Variants in BPHL observed in about 807,000 individuals in gnomAD.
BPHL encodes biphenyl hydrolase like, also known as serine hydrolase BPHL.
A neutral mutation model predicts 31.2 loss-of-function variants in BPHL; 27 were observed. The ratio of observed to expected loss-of-function variants is 0.87; its 90% confidence interval spans 0.64 to 1.19. The LOEUF (loss-of-function observed/expected upper bound fraction) is 1.19. Ranked by LOEUF, BPHL falls within the 50% of genes most tolerant of loss-of-function variation. BPHL has a pLI of 0.00. For missense variants in BPHL, 356 were observed against 375.7 expected (o/e 0.95, Z 0.43); for synonymous variants, 150 against 146.8 (o/e 1.02, Z -0.16).
At chr6:3,139,058 G>A (rs1351526448) in intron 5 of BPHL, 1 of 152,184 alleles carries the variant, frequency 6.6e-6, no homozygotes, top group African/African-American at 2.4e-5. Flanking sequence ...GGCCCTGAGT[G>A]TGAGTTCTGC....
chr6:3,133,262 C>A (rs1229480899), intron 4 of BPHL, among the ~76,000 whole-genome samples: 1 of 152,052 alleles, frequency 6.6e-6, no homozygotes, highest in Non-Finnish European at 1.5e-5. Context: ...TCTGAGTGGC[C>A]CCATCTTGCC....
chr6:3,137,969 C>T lies in BPHL; in HGVS notation c.664+476C>T, dbSNP rs886162587. 70 of 1,275,166 alleles carry T rather than the reference C, an allele frequency of 5.5e-5. 1 individual carries two copies. Among genetic ancestry groups the T allele is most frequent in the Admixed American group, 2.3e-5 (1 of 42,950 alleles). 79.0% of individuals were successfully genotyped at this position (1,275,166 alleles called of 1,614,324 possible). The stretch of plus-strand genomic sequence containing the variant: ...GAGGAAGAAAATATTCTGTTTTTTC[C>T]ATCTTCAGAACTAAGTGATATGACT... On this transcript the variant is annotated intron_variant, in intron 5 of 6. Transcript: ENST00000380379.
intron 2 of BPHL, 122 bp downstream of exon 2, chr6:3,123,882 T>A (rs1425771333): frequency 1.2e-6 from 1 of 813,682 alleles, no homozygotes; most frequent in Non-Finnish European, 1.8e-6. Flanking sequence ...TCATATTTGC[T>A]ACAATCAAAC....
intron 6 of BPHL, among the ~76,000 whole-genome samples, chr6:3,146,725 T>TG (rs1329347580): frequency 1.0e-5 from 1 of 96,354 alleles, no homozygotes; most frequent in South Asian, 4.0e-4. Flanking sequence ...TGGTTTGGGT[T>TG]GAGTGCTGGT....
intron 6 of BPHL, among the ~76,000 whole-genome samples, chr6:3,152,007 G>GATGGCTGTGA (rs1377164242): frequency 2.0e-5 from 3 of 152,208 alleles, no homozygotes. Flanking sequence ...GCAGGCTGGG[G>GATGGCTGTGA]ATGGCTGTGA....
chr6:3,127,698 C>G (rs1208201754), intron 3 of BPHL, among the ~76,000 whole-genome samples: 1 of 152,142 alleles, frequency 6.6e-6, no homozygotes, highest in African/African-American at 2.4e-5. Flanking sequence ...TTCTAACTTA[C>G]TATTTTTGTT....
chr6:3,123,463 C>A (rs1186999396), intron 1 of BPHL, among the ~76,000 whole-genome samples, 194 bp from the exon 2 acceptor site: 3 of 152,194 alleles, frequency 2.0e-5, no homozygotes, highest in Non-Finnish European at 4.4e-5. Context: ...AAACATTTAT[C>A]ATGTCTTTGT....
intron 5 of BPHL, chr6:3,139,054 G>A (rs1215993584): frequency 6.6e-6 from 1 of 152,252 alleles, no homozygotes; most frequent in Non-Finnish European, 1.5e-5. Context: ...CGATGGCCCT[G>A]AGTGTGAGTT....
At chr6:3,142,954 C>T (rs1018836369) in intron 6 of BPHL, among the ~76,000 whole-genome samples, 1 of 152,180 alleles carries the variant, frequency 6.6e-6, no homozygotes, top group African/African-American at 2.4e-5. Flanking sequence ...CTTACAGGCT[C>T]ACACCTGTAA....
chr6:3,145,216 T>G (rs76255879), intron 6 of BPHL, among the ~76,000 whole-genome samples: 2,945 of 31,784 alleles, frequency 0.093, 183 homozygotes, highest in Non-Finnish European at 0.13. Flanking sequence ...GAGTGCTGGT[T>G]CGGGTCCGAG....
At chr6:3,148,494 G>A (rs1762437748) in intron 6 of BPHL, among the ~76,000 whole-genome samples, 1 of 152,212 alleles carries the variant, frequency 6.6e-6, no homozygotes, top group South Asian at 2.1e-4. Flanking sequence ...GGTTCTGGTG[G>A]GGAGGTAGAC....
chr6:3,127,557 G>C, intron 3 of BPHL, 149 bp downstream of exon 3: 1 of 609,946 alleles, frequency 1.6e-6, no homozygotes, highest in African/African-American at 1.9e-5. Context: ...GTATAAAGAA[G>C]AAAGTAGAAA....
intron 4 of BPHL, among the ~76,000 whole-genome samples, chr6:3,136,692 G>A (rs1341778837): frequency 1.3e-5 from 2 of 152,192 alleles, no homozygotes; most frequent in African/African-American, 4.8e-5. Flanking sequence ...ATGCTCAAGA[G>A]CATTAGAATC....
intron 4 of BPHL, among the ~76,000 whole-genome samples, chr6:3,135,504 T>A (rs73718971): frequency 0.014 from 2,114 of 152,344 alleles, 38 homozygotes; most frequent in African/African-American, 0.048. Context: ...ACTTGTCCTG[T>A]TTGGAATACA....
chr6:3,123,338 T>C (rs1581460600), intron 1 of BPHL, among the ~76,000 whole-genome samples: 1 of 152,376 alleles, frequency 6.6e-6, no homozygotes, highest in South Asian at 2.1e-4. Flanking sequence ...TAAACATTTT[T>C]CAAATTTTAT....
chr6:3,132,274 T>C (rs1304107510), intron 4 of BPHL, among the ~76,000 whole-genome samples: 1 of 152,174 alleles, frequency 6.6e-6, no homozygotes, highest in African/African-American at 2.4e-5. Context: ...TGTGCGCCAT[T>C]GGTTACACCC....
chr6:3,121,348 G>C (rs993907321), intron 1 of BPHL, among the ~76,000 whole-genome samples: 2 of 129,370 alleles, frequency 1.5e-5, no homozygotes, highest in African/African-American at 5.9e-5. Context: ...TCACCAGGCT[G>C]GAGTGCAGTG....
chr6:3,135,811 A>T (rs1762005305), intron 4 of BPHL, among the ~76,000 whole-genome samples: 1 of 152,170 alleles, frequency 6.6e-6, no homozygotes, highest in Non-Finnish European at 1.5e-5. Context: ...TCTTAATCTG[A>T]AAATAAACAA....
intron 1 of BPHL, among the ~76,000 whole-genome samples, chr6:3,122,123 C>CA (rs1260763126): frequency 6.6e-6 from 1 of 151,748 alleles, no homozygotes; most frequent in Non-Finnish European, 1.5e-5. Context: ...ACTAAAAATA[C>CA]AAAAAAATTA....
Sources: allele counts gnomAD v4.1 joint callset (sites outside exome capture counted in the v4.1 genomes callset), GRCh38; gene constraint gnomAD v4.1.1; transcripts MANE v1.5; gene names NCBI Gene and HGNC (gene_info 2026-07-23, HGNC 2026-07-21).